The following WBP1L variants were observed in gnomAD, a reference collection of about 807,000 sequenced individuals.
WBP1L encodes WW domain binding protein 1 like.
In WBP1L, 17 loss-of-function variants were observed where a neutral mutation model predicts 33.7. That is an observed-to-expected ratio of 0.50 (90% confidence interval 0.34 to 0.76). The LOEUF (loss-of-function observed/expected upper bound fraction) is 0.76, where lower values mean the gene tolerates loss of function less well. WBP1L is among the 30% of genes least tolerant of loss of function. WBP1L has a pLI of 0.01. For missense variants in WBP1L, 389 were observed against 469.4 expected (o/e 0.83, Z 1.58); for synonymous variants, 173 against 190.8 (o/e 0.91, Z 0.77).
At chr10:102,809,318 T>A (rs2134067633) in intron 2 of WBP1L, among the ~76,000 whole-genome samples, 1 of 151,854 alleles carries the variant, frequency 6.6e-6, no homozygotes, top group East Asian at 1.9e-4. Flanking sequence ...CCTCAGGTGA[T>A]CTGCACGCCT....
At chr10:102,780,157 G>T (rs907512658) in intron 1 of WBP1L, among the ~76,000 whole-genome samples, 3 of 152,114 alleles carry the variant, frequency 2.0e-5, no homozygotes, top group African/African-American at 7.2e-5. Flanking sequence ...TAAACTGTAG[G>T]ATTTATTAGT....
chr10:102,793,963 G>A (rs931642083), intron 1 of WBP1L, among the ~76,000 whole-genome samples: 2 of 151,986 alleles, frequency 1.3e-5, no homozygotes, highest in Non-Finnish European at 2.9e-5. Context: ...TGGTTGAGAT[G>A]GGGTTTTGCC....
At chr10:102,746,383 A>C (rs761615452) in intron 1 of WBP1L, among the ~76,000 whole-genome samples, 1 of 152,090 alleles carries the variant, frequency 6.6e-6, no homozygotes, top group African/African-American at 2.4e-5. Context: ...AGTTTTCGTA[A>C]TGAGCAGTGG....
chr10:102,777,408 TTGCCTACAGTTC>T (rs1485528375), intron 1 of WBP1L, among the ~76,000 whole-genome samples: 1 of 152,030 alleles, frequency 6.6e-6, no homozygotes, highest in African/African-American at 2.4e-5. Flanking sequence ...CTCCCTTGAG[TTGCCTACAGTTC>T]TGTTCAAAGG....
At chr10:102,778,896 C>G (rs1381131217) in intron 1 of WBP1L, among the ~76,000 whole-genome samples, 1 of 151,900 alleles carries the variant, frequency 6.6e-6, no homozygotes, top group Non-Finnish European at 1.5e-5. Context: ...AATCCTGTGT[C>G]TTATGTGGTA....
intron 1 of WBP1L, among the ~76,000 whole-genome samples, chr10:102,768,914 T>G (rs1843149388): frequency 6.6e-6 from 1 of 151,986 alleles, no homozygotes; most frequent in South Asian, 2.1e-4. Context: ...GGTCTTGATC[T>G]CCTGACCTCG....
intron 2 of WBP1L, among the ~76,000 whole-genome samples, chr10:102,800,852 A>G (rs1843646045): frequency 1.3e-5 from 2 of 152,038 alleles, no homozygotes; most frequent in South Asian, 4.1e-4. Context: ...CTTTGGGCTG[A>G]TTTCCTTCCC....
At chr10:102,763,731 C>T (rs1353556974) in intron 1 of WBP1L, among the ~76,000 whole-genome samples, 2 of 152,200 alleles carry the variant, frequency 1.3e-5, no homozygotes, top group African/African-American at 4.8e-5. Flanking sequence ...TATCCTGTTA[C>T]CAGCTGTATT....
chr10:102,809,041 C>T (rs1298621231), intron 2 of WBP1L, among the ~76,000 whole-genome samples: 1 of 152,108 alleles, frequency 6.6e-6, no homozygotes, highest in Non-Finnish European at 1.5e-5. Flanking sequence ...GTGCTGGAGG[C>T]GTCCTGGAGT....
chr10:102,809,246 T>A (rs895763495), intron 2 of WBP1L, among the ~76,000 whole-genome samples: 1 of 151,816 alleles, frequency 6.6e-6, no homozygotes, highest in Non-Finnish European at 1.5e-5. Flanking sequence ...CCTGGCTAAT[T>A]TTTGTATTTT....
At chr10:102,745,208 A>G (rs1590162030) in intron 1 of WBP1L, among the ~76,000 whole-genome samples, 1 of 152,354 alleles carries the variant, frequency 6.6e-6, no homozygotes, top group East Asian at 1.9e-4. Flanking sequence ...GCCAGCAAAA[A>G]TACTTATCTT....
At chr10:102,751,980 A>C (rs1403044060) in intron 1 of WBP1L, among the ~76,000 whole-genome samples, 5 of 152,242 alleles carry the variant, frequency 3.3e-5, no homozygotes, top group Admixed American at 6.5e-5. Flanking sequence ...TATGGTTTGT[A>C]AGTTAGTGTC....
chr10:102,784,434 T>C (rs1265266675), intron 1 of WBP1L, among the ~76,000 whole-genome samples: 1 of 146,262 alleles, frequency 6.8e-6, no homozygotes, highest in African/African-American at 2.5e-5. Context: ...TTTTTTTTTT[T>C]TTTTTTTTTG....
chr10:102,744,020 G>C lies in WBP1L; in HGVS notation c.-34G>C, dbSNP rs1271939069. 6.7e-7 allele frequency: 1 copy of C among 1,497,548 alleles called. No homozygotes were observed. The highest frequency in any genetic ancestry group is 9.1e-7 in the Non-Finnish European group (1 of 1,101,852). 92.8% of individuals were successfully genotyped at this position (1,497,548 alleles called of 1,614,324 possible). A position where few individuals can be genotyped will look rare whatever the true frequency, so the allele number is the denominator to read the frequency against. On this transcript the variant is annotated 5_prime_UTR_variant, in exon 1 of 4. Transcript: ENST00000448841. The stretch of plus-strand genomic sequence containing the variant: ...GAGGGAGGAGGAGGAGGGAGGTGGC[G>C]GCGCCGTGGCGGAGGAGCAGGAGCA...
intron 1 of WBP1L, among the ~76,000 whole-genome samples, chr10:102,745,006 G>A (rs1421480205): frequency 2.0e-5 from 3 of 152,186 alleles, no homozygotes; most frequent in Admixed American, 2.0e-4. Context: ...TGCCAAGTTG[G>A]GTGGGGTGCA....
chr10:102,812,466 A>T, intron 3 of WBP1L, 129 bp from the exon 4 acceptor site: 1 of 1,112,764 alleles, frequency 9.0e-7, no homozygotes, highest in African/African-American at 1.6e-5. Flanking sequence ...CACAACCAAG[A>T]GCTGTAGCCA....
intron 2 of WBP1L, among the ~76,000 whole-genome samples, chr10:102,800,325 G>A (rs1214486699): frequency 6.6e-6 from 1 of 152,214 alleles, no homozygotes; most frequent in Non-Finnish European, 1.5e-5. Context: ...CCCCGTCTCA[G>A]ATTGACAGAG....
intron 2 of WBP1L, among the ~76,000 whole-genome samples, chr10:102,802,223 C>A (rs1288369991): frequency 6.8e-6 from 1 of 148,084 alleles, no homozygotes; most frequent in Non-Finnish European, 1.5e-5. Flanking sequence ...GTCACTGCAG[C>A]CTTAACCTCC....
At chr10:102,776,020 T>C (rs1205557363) in intron 1 of WBP1L, 9 of 887,178 alleles carry the variant, frequency 1.0e-5, no homozygotes, top group Non-Finnish European at 4.0e-6. Flanking sequence ...TCTAGGTGGG[T>C]CCAGGGCTGG....
Sources: gnomAD v4.1 joint callset for allele counts (sites outside exome capture counted in the v4.1 genomes callset) on GRCh38, gnomAD v4.1.1 for gene constraint, MANE v1.5 for transcripts, NCBI Gene and HGNC (gene_info 2026-07-23, HGNC 2026-07-21) for gene names.